Variants in SDK1 observed in about 807,000 individuals in gnomAD.
SDK1 encodes the protein protein sidekick-1.
In SDK1, 157 loss-of-function variants were observed where a neutral mutation model predicts 245.5. That is an observed-to-expected ratio of 0.64 (90% CI 0.56 to 0.73). The LOEUF is 0.73. SDK1 is among the 30% of genes least tolerant of loss of function. SDK1 has a pLI of 0.00. For missense variants in SDK1, 3,583 were observed against 3,002.3 expected (o/e 1.19, Z -4.52); for synonymous variants, 1,647 against 1,278.5 (o/e 1.29, Z -6.15).
At chr7:3,779,938 C>CA (rs34979965) in intron 4 of SDK1, among the ~76,000 whole-genome samples, 2,614 of 45,176 alleles carry the variant, frequency 0.058, 135 homozygotes, top group African/African-American at 0.12. Context: ...GACTCCGTCT[C>CA]AAAAAAAAAA....
At position 3,639,006 on chromosome 7, in the gene SDK1, A is replaced by G. The variant is rs140639036; in HGVS notation, c.461A>G (p.Tyr154Cys). The G allele has an allele frequency of 1.1e-5, 18 of 1,591,852 alleles. No individual in the cohort carries two copies. The African/African-American group carries it at 2.0e-4, about 18-fold the overall frequency. ...ELTTYSSEYK[Y>C]IIPSLQKLDA... ...CACTTCTTTTTGCTATTCAACAGGT[A>G]CATTATTCCATCTTTGCAGAAGCTC... Residue 154 changes from tyrosine to cysteine, a missense_variant and splice_region_variant, in exon 3 of 45, where the codon TAC (tyrosine) becomes TGC (cysteine). Tyr to Cys is a radical substitution (Grantham distance 194, BLOSUM62 -2). Transcript: ENST00000404826.
At chr7:3,635,993 G>GT (rs1200450426) in intron 2 of SDK1, among the ~76,000 whole-genome samples, 1 of 152,094 alleles carries the variant, frequency 6.6e-6, no homozygotes, top group Non-Finnish European at 1.5e-5. Flanking sequence ...TTACTCTTTT[G>GT]TTTTTTGTTC....
chr7:3,822,452 A>G (rs1328317937), intron 5 of SDK1, among the ~76,000 whole-genome samples: 1 of 152,194 alleles, frequency 6.6e-6, no homozygotes, highest in African/African-American at 2.4e-5. Flanking sequence ...TCTTGAAGGA[A>G]TCGTTTCCCC....
At chr7:3,489,459 T>C (rs1781803390) in intron 1 of SDK1, among the ~76,000 whole-genome samples, 1 of 152,208 alleles carries the variant, frequency 6.6e-6, no homozygotes, top group Non-Finnish European at 1.5e-5. Flanking sequence ...TATATATATT[T>C]TTACCATTTT....
In SDK1 at chr7:3,487,847, A is replaced by C. The variant is rs139178438; in HGVS notation, c.299-131233A>C. On this transcript the variant is annotated intron_variant, in intron 1 of 44. Transcript: ENST00000404826. The stretch of plus-strand genomic sequence containing the variant: ...CAAAATCATACCTTAGCATTTATTT[A>C]CAAGCGGAGGGTGTTGAGCAAGGCA... Among the ~76,000 whole-genome samples, 614 of 151,588 alleles carry C rather than the reference A, an allele frequency of 4.1e-3. 7 individuals carry two copies. The highest frequency in any genetic ancestry group is 0.014 in the African/African-American group (574 of 41,362).
At chr7:3,961,607 C>G (rs567883366) in intron 8 of SDK1, among the ~76,000 whole-genome samples, 1 of 152,270 alleles carries the variant, frequency 6.6e-6, no homozygotes, top group Non-Finnish European at 1.5e-5. Flanking sequence ...AATGGAATAC[C>G]TCTTGTGCCT....
intron 22 of SDK1, among the ~76,000 whole-genome samples, chr7:4,084,510 T>C (rs868663294): frequency 1.3e-5 from 2 of 152,170 alleles, no homozygotes; most frequent in Non-Finnish European, 2.9e-5. Flanking sequence ...AAATGCTGTT[T>C]AAAGACGATA....
intron 19 of SDK1, among the ~76,000 whole-genome samples, chr7:4,053,131 C>T (rs1583958161): frequency 6.6e-6 from 1 of 150,968 alleles, no homozygotes; most frequent in African/African-American, 2.4e-5. Context: ...TTTTTTAAGT[C>T]ACCCTGGGCT....
intron 21 of SDK1, among the ~76,000 whole-genome samples, chr7:4,078,362 G>C (rs1780829097): frequency 1.3e-5 from 2 of 152,166 alleles, no homozygotes; most frequent in South Asian, 4.1e-4. Context: ...AAAATCCAGA[G>C]AGCTGAGAAA....
At chr7:4,178,259 G>A (rs1228670293) in intron 34 of SDK1, among the ~76,000 whole-genome samples, 5 of 152,206 alleles carry the variant, frequency 3.3e-5, no homozygotes, top group African/African-American at 1.2e-4. Flanking sequence ...CTGAACACAG[G>A]ATAGGATGGG....
chr7:3,500,020 C>G (rs1433580109), intron 1 of SDK1, among the ~76,000 whole-genome samples: 1 of 152,102 alleles, frequency 6.6e-6, no homozygotes, highest in African/African-American at 2.4e-5. Context: ...GTGATTAGGA[C>G]AAGTAGCCAT....
chr7:3,306,593 A>G (rs984951758), intron 1 of SDK1, among the ~76,000 whole-genome samples: 1 of 152,176 alleles, frequency 6.6e-6, no homozygotes, highest in African/African-American at 2.4e-5. Flanking sequence ...GTTTATACCT[A>G]ACCAGAAGTT....
At chr7:3,600,512 G>A (rs34953429) in intron 1 of SDK1, among the ~76,000 whole-genome samples, 34,466 of 145,472 alleles carry the variant, frequency 0.24, 4,175 homozygotes, top group South Asian at 0.32. Flanking sequence ...CGGAAAAATC[G>A]TTTTGTCTTT....
At chr7:3,563,604 C>G (rs1779816761) in intron 1 of SDK1, among the ~76,000 whole-genome samples, 1 of 152,174 alleles carries the variant, frequency 6.6e-6, no homozygotes, top group Admixed American at 6.5e-5. Flanking sequence ...ACAGTTGTAG[C>G]TGAAATTTTT....
chr7:3,496,300 T>C (rs1465306214), intron 1 of SDK1, among the ~76,000 whole-genome samples: 1 of 152,204 alleles, frequency 6.6e-6, no homozygotes, highest in South Asian at 2.1e-4. Flanking sequence ...TTAGCTGCTG[T>C]TATTATCATT....
chr7:3,365,678 C>A (rs1453759481), intron 1 of SDK1, among the ~76,000 whole-genome samples: 1 of 152,054 alleles, frequency 6.6e-6, no homozygotes. Context: ...AGGGCATAGT[C>A]CTTTCAATAT....
chr7:3,516,909 G>A (rs1782771716), intron 1 of SDK1, among the ~76,000 whole-genome samples: 1 of 152,240 alleles, frequency 6.6e-6, no homozygotes, highest in African/African-American at 2.4e-5. Flanking sequence ...AGGGTATTAA[G>A]TGCCATGTTG....
At chr7:3,567,900 C>T (rs1338436940) in intron 1 of SDK1, among the ~76,000 whole-genome samples, 3 of 152,224 alleles carry the variant, frequency 2.0e-5, no homozygotes, top group Non-Finnish European at 4.4e-5. Flanking sequence ...CAGCCTCGAA[C>T]TCGTGGGCCC....
At chr7:3,893,046 C>G (rs181454824) in intron 5 of SDK1, among the ~76,000 whole-genome samples, 2 of 152,112 alleles carry the variant, frequency 1.3e-5, no homozygotes, top group African/African-American at 4.8e-5. Flanking sequence ...GCCCAGGCAG[C>G]CGTTTACCAG....
Sources: allele counts gnomAD v4.1 joint callset (sites outside exome capture counted in the v4.1 genomes callset), GRCh38; gene constraint gnomAD v4.1.1; transcripts MANE v1.5; gene names NCBI Gene and HGNC (gene_info 2026-07-23, HGNC 2026-07-21).